Variants in COMMD10 observed in about 807,000 individuals in gnomAD.
The protein encoded by COMMD10 is COMM domain containing 10, also known as COMM domain-containing protein 10.
Under a neutral mutation model 28.9 loss-of-function variants are expected in COMMD10, and 33 were observed. The observed-to-expected ratio is 1.14, with a 90% confidence interval of 0.87 to 1.53. COMMD10 has a LOEUF of 1.53. COMMD10 is among the 40% of genes most tolerant of loss of function. The pLI is 0.00. For missense variants in COMMD10, 310 were observed against 233.4 expected (o/e 1.33, Z -2.14); for synonymous variants, 110 against 81.7 (o/e 1.35, Z -1.87).
chr5:116,251,937 A>C (rs1580584192), intron 5 of COMMD10, among the ~76,000 whole-genome samples: 5 of 149,434 alleles, frequency 3.3e-5, no homozygotes, highest in Admixed American at 3.3e-4. Context: ...CTATTTCTCC[A>C]CATCCTCTCC....
chr5:116,260,620 G>A (rs1307653122), intron 5 of COMMD10, among the ~76,000 whole-genome samples: 1 of 151,824 alleles, frequency 6.6e-6, no homozygotes, highest in African/African-American at 2.4e-5. Context: ...AGTAAAAACA[G>A]AGTATTAGGT....
chr5:116,174,822 T>G (rs1226859998), intron 5 of COMMD10, among the ~76,000 whole-genome samples: 1 of 152,194 alleles, frequency 6.6e-6, no homozygotes, highest in Admixed American at 6.5e-5. Flanking sequence ...AAGCTAACAG[T>G]TGTCCTTGAA....
chr5:116,248,313 T>C (rs983419271), intron 5 of COMMD10, among the ~76,000 whole-genome samples: 1 of 151,954 alleles, frequency 6.6e-6, no homozygotes, highest in Non-Finnish European at 1.5e-5. Context: ...CAGATACAGA[T>C]GGATACAGAT....
At chr5:116,092,472 T>G (rs1397054200) in intron 3 of COMMD10, 73 bp from the exon 4 acceptor site, 2 of 1,037,818 alleles carry the variant, frequency 1.9e-6, no homozygotes, top group Non-Finnish European at 1.3e-6. Flanking sequence ...AAAAATAGTT[T>G]TGTATTTAGT....
chr5:116,148,191 T>C (rs1245024849), intron 5 of COMMD10, among the ~76,000 whole-genome samples: 2 of 151,896 alleles, frequency 1.3e-5, no homozygotes, highest in Non-Finnish European at 2.9e-5. Context: ...ATTCTAGTAA[T>C]TGCTAAAATA....
At chr5:116,262,054 G>C (rs1404113686) in intron 5 of COMMD10, among the ~76,000 whole-genome samples, 1 of 151,668 alleles carries the variant, frequency 6.6e-6, no homozygotes, top group Non-Finnish European at 1.5e-5. Context: ...GGCACAGAGA[G>C]GTTAATTACT....
intron 5 of COMMD10, among the ~76,000 whole-genome samples, chr5:116,167,314 G>A (rs1019264721): frequency 6.6e-6 from 1 of 151,892 alleles, no homozygotes; most frequent in Admixed American, 6.6e-5. Context: ...GAAAAGGAAT[G>A]AACAAAGCCT....
At chr5:116,134,467 C>A (rs759656423) in intron 5 of COMMD10, among the ~76,000 whole-genome samples, 2 of 152,064 alleles carry the variant, frequency 1.3e-5, no homozygotes, top group Admixed American at 1.3e-4. Context: ...CTGAGTGTTT[C>A]ATGTTTTAAG....
intron 5 of COMMD10, among the ~76,000 whole-genome samples, chr5:116,199,976 T>G (rs1748623233): frequency 6.6e-6 from 1 of 152,138 alleles, no homozygotes; most frequent in Non-Finnish European, 1.5e-5. Context: ...ACTCTTTTTG[T>G]ATTTTCAATT....
intron 5 of COMMD10, among the ~76,000 whole-genome samples, chr5:116,216,330 A>G (rs940865013): frequency 1.3e-5 from 2 of 152,194 alleles, no homozygotes; most frequent in African/African-American, 2.4e-5. Context: ...CACACTTAGC[A>G]TGTATACAGT....
At chr5:116,152,426 G>A (rs944152336) in intron 5 of COMMD10, among the ~76,000 whole-genome samples, 1 of 151,964 alleles carries the variant, frequency 6.6e-6, no homozygotes, top group Non-Finnish European at 1.5e-5. Flanking sequence ...ATGGCAGTGT[G>A]CCAACTGTAA....
At chr5:116,183,242 T>G (rs969636064) in intron 5 of COMMD10, among the ~76,000 whole-genome samples, 2 of 152,016 alleles carry the variant, frequency 1.3e-5, no homozygotes, top group African/African-American at 4.8e-5. Flanking sequence ...ATATGAAATG[T>G]TAATATTTAT....
At chr5:116,231,688 C>T (rs769984592) in intron 5 of COMMD10, among the ~76,000 whole-genome samples, 12 of 152,062 alleles carry the variant, frequency 7.9e-5, no homozygotes, top group Non-Finnish European at 1.2e-4. Context: ...AGTATGATAG[C>T]TAAAATGCTT....
intron 5 of COMMD10, among the ~76,000 whole-genome samples, chr5:116,169,615 C>G (rs1239582286): frequency 6.6e-6 from 1 of 152,160 alleles, no homozygotes; most frequent in African/African-American, 2.4e-5. Context: ...CTGAATCCAG[C>G]AGCATATCAA....
chr5:116,235,644 C>T (rs542460311), intron 5 of COMMD10, among the ~76,000 whole-genome samples: 1 of 152,282 alleles, frequency 6.6e-6, no homozygotes, highest in East Asian at 1.9e-4. Context: ...TTTTCAAAAT[C>T]ATTCTCCTAT....
chr5:116,198,675 T>C (rs1748589230), intron 5 of COMMD10, among the ~76,000 whole-genome samples: 1 of 152,186 alleles, frequency 6.6e-6, no homozygotes, highest in African/African-American at 2.4e-5. Flanking sequence ...AGTCCTGTTT[T>C]ACATTTTCAG....
intron 5 of COMMD10, among the ~76,000 whole-genome samples, chr5:116,187,193 C>T (rs567760261): frequency 1.3e-5 from 2 of 152,038 alleles, no homozygotes; most frequent in East Asian, 1.9e-4. Flanking sequence ...TATATTAGAC[C>T]CTTTTCAGCT....
At chr5:116,167,350 A>G (rs1753157959) in intron 5 of COMMD10, among the ~76,000 whole-genome samples, 1 of 152,148 alleles carries the variant, frequency 6.6e-6, no homozygotes, top group Non-Finnish European at 1.5e-5. Flanking sequence ...CTATGTGAAA[A>G]GACCAAACCT....
At chr5:116,243,694 A>G (rs1318461931) in intron 5 of COMMD10, among the ~76,000 whole-genome samples, 1 of 152,188 alleles carries the variant, frequency 6.6e-6, no homozygotes, top group Non-Finnish European at 1.5e-5. Flanking sequence ...AGTCAAAAAC[A>G]TTTTGCCAAA....
Sources: gnomAD v4.1 joint callset for allele counts (sites outside exome capture counted in the v4.1 genomes callset) on GRCh38, gnomAD v4.1.1 for gene constraint, MANE v1.5 for transcripts, NCBI Gene and HGNC (gene_info 2026-07-23, HGNC 2026-07-21) for gene names.